The following SHANK2 variants were observed in gnomAD, a reference collection of about 807,000 sequenced individuals.
The protein encoded by SHANK2 is SH3 and multiple ankyrin repeat domains 2, also known as SH3 and multiple ankyrin repeat domains protein 2.
In SHANK2, 43 loss-of-function variants were observed where a neutral mutation model predicts 133.7. That is an observed-to-expected ratio of 0.32 (90% confidence interval 0.25 to 0.41). The LOEUF is 0.41. SHANK2 is among the 10% of genes least tolerant of loss of function. The pLI is 1.00. For missense variants in SHANK2, 1,994 were observed against 2,235.8 expected, an observed-to-expected ratio of 0.89 and a Z score of 2.18; for synonymous variants, 1,017 against 952.8, an observed-to-expected ratio of 1.07 and a Z score of -1.24.
chr11:70,819,070 G>C (rs1948463396), intron 12 of SHANK2, among the ~76,000 whole-genome samples: 1 of 152,346 alleles, frequency 6.6e-6, no homozygotes, highest in Non-Finnish European at 1.5e-5. Flanking sequence ...GACCCCGAGT[G>C]GCTTTGAGGC....
chr11:70,912,501 T>G (rs1233998422), intron 10 of SHANK2, among the ~76,000 whole-genome samples: 2 of 152,188 alleles, frequency 1.3e-5, no homozygotes, highest in African/African-American at 4.8e-5. Context: ...GGGTTTCTGC[T>G]TTTGCTTCTT....
intron 2 of SHANK2, among the ~76,000 whole-genome samples, chr11:71,170,927 A>C (rs552869387): frequency 6.6e-6 from 1 of 152,232 alleles, no homozygotes; most frequent in Non-Finnish European, 1.5e-5. Flanking sequence ...CCGCCATCAC[A>C]GAATACCACG....
At chr11:70,953,262 A>G (rs1474273085) in intron 10 of SHANK2, among the ~76,000 whole-genome samples, 2 of 152,078 alleles carry the variant, frequency 1.3e-5, no homozygotes, top group Non-Finnish European at 2.9e-5. Flanking sequence ...TGAGTGTATT[A>G]AATCAGGGAT....
At chr11:71,064,657 G>C (rs1044564716) in intron 9 of SHANK2, among the ~76,000 whole-genome samples, 5 of 152,168 alleles carry the variant, frequency 3.3e-5, no homozygotes, top group Middle Eastern at 6.8e-3. Context: ...GGTGAGAAGG[G>C]TGGTGGGGAC....
At chr11:70,753,008 G>A (rs1946788220) in intron 14 of SHANK2, among the ~76,000 whole-genome samples, 1 of 151,910 alleles carries the variant, frequency 6.6e-6, no homozygotes, top group Non-Finnish European at 1.5e-5. Context: ...AGCTACTTGA[G>A]AGGCTGAGGC....
intron 17 of SHANK2, among the ~76,000 whole-genome samples, chr11:70,557,800 C>T (rs940568392): frequency 3.9e-5 from 6 of 152,322 alleles, no homozygotes; most frequent in East Asian, 1.9e-4. Context: ...AACGGACAAG[C>T]GGCTTTCTTC....
At chr11:70,583,698 C>T (rs1410204587) in intron 17 of SHANK2, among the ~76,000 whole-genome samples, 2 of 152,220 alleles carry the variant, frequency 1.3e-5, no homozygotes, top group Non-Finnish European at 2.9e-5. Context: ...CCACTCCACG[C>T]TCACTGTCAG....
intron 11 of SHANK2, among the ~76,000 whole-genome samples, chr11:70,894,895 C>T (rs1414233776): frequency 1.3e-5 from 2 of 152,216 alleles, no homozygotes; most frequent in African/African-American, 4.8e-5. Context: ...AGCTCTCAAA[C>T]CAAAGCTATC....
chr11:70,521,150 T>C (rs555395256), intron 17 of SHANK2, among the ~76,000 whole-genome samples: 23 of 152,370 alleles, frequency 1.5e-4, no homozygotes, highest in African/African-American at 4.8e-4. Flanking sequence ...CTGTTTTTAC[T>C]TATTTTCTTT....
At chr11:71,101,643 C>T (rs555469773) in intron 6 of SHANK2, among the ~76,000 whole-genome samples, 81 of 152,308 alleles carry the variant, frequency 5.3e-4, no homozygotes, top group Non-Finnish European at 1.0e-3. Context: ...TCGCACTTGG[C>T]GATTCATTCA....
intron 17 of SHANK2, among the ~76,000 whole-genome samples, chr11:70,557,858 T>TGGGCTTTCTGCAGCC (rs1554979966): frequency 1.3e-5 from 2 of 152,336 alleles, no homozygotes; most frequent in Admixed American, 1.3e-4. Context: ...ACCCTGCAGC[T>TGGGCTTTCTGCAGCC]GGGCTTTCTG....
intron 10 of SHANK2, among the ~76,000 whole-genome samples, chr11:70,912,102 AAAAAAAAAAAAAAGAAAG>A (rs1950201758): frequency 1.7e-5 from 2 of 116,358 alleles, no homozygotes; most frequent in African/African-American, 7.9e-5. Context: ...AAAAAAAAAA[AAAAAAAAAAAAAAGAAAG>A]AAAGAAAGAA....
intron 10 of SHANK2, among the ~76,000 whole-genome samples, chr11:70,943,732 T>C (rs1555084790): frequency 6.6e-6 from 1 of 152,156 alleles, no homozygotes; most frequent in Non-Finnish European, 1.5e-5. Context: ...TCTAAACAAA[T>C]GAAATTTAAC....
intron 17 of SHANK2, among the ~76,000 whole-genome samples, chr11:70,507,968 C>T (rs942653775): frequency 1.3e-5 from 2 of 152,338 alleles, no homozygotes; most frequent in East Asian, 3.9e-4. Flanking sequence ...GAACTCAGAC[C>T]GGTAGTAACT....
chr11:70,863,379 C>T (rs1555068245), intron 11 of SHANK2: 2 of 457,966 alleles, frequency 4.4e-6, no homozygotes, highest in Admixed American at 2.3e-5. Context: ...CTGGTTCATC[C>T]AGTGCTGGCC....
At position 70,656,718 on chromosome 11, in the gene SHANK2, C is replaced by A. The variant is rs141456346; in HGVS notation, c.2061+3110G>T. ...TTTCACGTCCACCTCTGAGGTGAACCTTTTATTACCACACAGCTTGAGTGA... is the reference window on the plus strand; with the variant it reads ...TTTCACGTCCACCTCTGAGGTGAACATTTTATTACCACACAGCTTGAGTGA... On this transcript the variant is annotated intron_variant, in intron 17 of 25. Transcript: ENST00000601538. Among the ~76,000 whole-genome samples, 13 of 152,234 alleles carry A rather than the reference C, an allele frequency of 8.5e-5. No homozygotes were observed. The East Asian group carries it at 2.3e-3, about 27-fold the overall frequency.
intron 2 of SHANK2, among the ~76,000 whole-genome samples, chr11:71,149,276 G>A (rs1480127145): frequency 6.6e-6 from 1 of 152,198 alleles, no homozygotes. Context: ...GTAAATTTCA[G>A]AAGTTCATCA....
At chr11:70,947,946 C>T (rs1185810754) in intron 10 of SHANK2, among the ~76,000 whole-genome samples, 1 of 152,162 alleles carries the variant, frequency 6.6e-6, no homozygotes, top group Non-Finnish European at 1.5e-5. Context: ...CCTCTGTGGT[C>T]TCATTTCCCA....
chr11:70,571,941 G>A (rs2060050358), intron 17 of SHANK2, among the ~76,000 whole-genome samples: 1 of 152,300 alleles, frequency 6.6e-6, no homozygotes, highest in Admixed American at 6.5e-5. Flanking sequence ...CAATGGCATG[G>A]TGTTGGGGGT....
Sources: allele counts gnomAD v4.1 joint callset (sites outside exome capture counted in the v4.1 genomes callset), GRCh38; gene constraint gnomAD v4.1.1; transcripts MANE v1.5; gene names NCBI Gene and HGNC (gene_info 2026-07-23, HGNC 2026-07-21).